The following PAX5 variants were observed in gnomAD, a reference collection of about 807,000 sequenced individuals.
PAX5 encodes paired box protein Pax-5.
In PAX5, 9 loss-of-function variants were observed where a neutral mutation model predicts 43.7. That is an observed-to-expected ratio of 0.21 (90% confidence interval 0.12 to 0.36). PAX5 has a LOEUF of 0.36. Ranked by LOEUF, PAX5 falls within the 10% of genes least tolerant of loss-of-function variation. The pLI, the probability that PAX5 is intolerant of heterozygous loss-of-function variation, is 1.00. For synonymous variants in PAX5, 228 were observed against 214.3 expected, an observed-to-expected ratio of 1.06 and a Z score of -0.56; for missense variants, 383 against 532.7, an observed-to-expected ratio of 0.72 and a Z score of 2.77.
chr9:36,849,444 T>G (rs1477269029), intron 8 of PAX5, among the ~76,000 whole-genome samples: 1 of 152,232 alleles, frequency 6.6e-6, no homozygotes, highest in Non-Finnish European at 1.5e-5. Context: ...GGGAGTTTTG[T>G]CTGTTCACGT....
intron 6 of PAX5, among the ~76,000 whole-genome samples, chr9:36,942,602 C>T (rs1832139446): frequency 6.6e-6 from 1 of 152,236 alleles, no homozygotes; most frequent in Non-Finnish European, 1.5e-5. Flanking sequence ...TGCTCAGCTG[C>T]TGACACAGCT....
At chr9:36,965,603 C>G (rs1834356691) in intron 6 of PAX5, among the ~76,000 whole-genome samples, 1 of 152,196 alleles carries the variant, frequency 6.6e-6, no homozygotes, top group African/African-American at 2.4e-5. Context: ...ACTGCTTGGA[C>G]TGACTTTTTG....
chr9:37,012,692 T>A (rs540074886), intron 3 of PAX5, among the ~76,000 whole-genome samples: 1 of 152,360 alleles, frequency 6.6e-6, no homozygotes, highest in Non-Finnish European at 1.5e-5. Flanking sequence ...CACTTCAATT[T>A]TGACTTAAAT....
chr9:36,991,841 TCTTTCTGC>T (rs1282298401), intron 5 of PAX5, among the ~76,000 whole-genome samples: 29 of 116,968 alleles, frequency 2.5e-4, no homozygotes, highest in Middle Eastern at 4.3e-3. Context: ...GCTATGCCTT[TCTTTCTGC>T]CTATTTCCTC....
intron 1 of PAX5, among the ~76,000 whole-genome samples, chr9:37,027,423 C>T (rs1324904113): frequency 2.6e-5 from 4 of 152,240 alleles, no homozygotes; most frequent in Non-Finnish European, 5.9e-5. Context: ...CTCTTCGAGC[C>T]CCGCCGCCCT....
chr9:37,016,758 C>T (rs1454062558), intron 2 of PAX5, among the ~76,000 whole-genome samples: 5 of 152,066 alleles, frequency 3.3e-5, no homozygotes, highest in South Asian at 2.1e-4. Flanking sequence ...GGTAAGGGAA[C>T]GAGGTGATTC....
At chr9:36,854,108 C>T (rs1823416461) in intron 8 of PAX5, among the ~76,000 whole-genome samples, 1 of 152,260 alleles carries the variant, frequency 6.6e-6, no homozygotes, top group South Asian at 2.1e-4. Context: ...TAGAGAAAAT[C>T]TTTGCAGAGG....
At chr9:36,870,710 G>C (rs947984360) in intron 8 of PAX5, among the ~76,000 whole-genome samples, 4 of 152,220 alleles carry the variant, frequency 2.6e-5, no homozygotes, top group African/African-American at 9.6e-5. Flanking sequence ...CCTCTCCAGG[G>C]CCCTGCACTT....
chr9:36,891,972 T>C (rs1827431469), intron 7 of PAX5, among the ~76,000 whole-genome samples: 1 of 152,198 alleles, frequency 6.6e-6, no homozygotes. Flanking sequence ...TCCAATACTG[T>C]GTTTCAATTT....
intron 6 of PAX5, among the ~76,000 whole-genome samples, chr9:36,939,210 A>T (rs1048885204): frequency 6.6e-6 from 1 of 152,210 alleles, no homozygotes; most frequent in Non-Finnish European, 1.5e-5. Context: ...TCTTAAAATA[A>T]ATGTGGAAGG....
At chr9:36,998,754 G>A (rs529722541) in intron 5 of PAX5, among the ~76,000 whole-genome samples, 16 of 152,226 alleles carry the variant, frequency 1.1e-4, no homozygotes, top group Middle Eastern at 3.4e-3. Flanking sequence ...ACTGTCAAAC[G>A]TTTCGCATCC....
chr9:36,833,920 G>A lies in PAX5; in HGVS notation c.*6640C>T. On this transcript the variant is annotated 3_prime_UTR_variant, in exon 10 of 10. Coordinates refer to ENST00000358127, the MANE Select transcript of PAX5 (RefSeq NM_016734.3). Reference sequence around the variant, plus strand: ...GTCTATGCAGGCATCACAAACTTTGGCGGATACAGTAGATATGTATTTCTT... The same window carrying A: ...GTCTATGCAGGCATCACAAACTTTGACGGATACAGTAGATATGTATTTCTT... 4.3e-6 allele frequency: 1 copy of A among 231,730 alleles called. No homozygotes were observed. The highest frequency in any genetic ancestry group is 8.5e-6 in the Non-Finnish European group (1 of 117,730). The allele number at this position is 231,730 out of a possible 1,614,324, so 14.4% of individuals were successfully genotyped here.
At chr9:36,848,094 C>T (rs1429575715) in intron 8 of PAX5, among the ~76,000 whole-genome samples, 2 of 152,156 alleles carry the variant, frequency 1.3e-5, no homozygotes, top group Non-Finnish European at 2.9e-5. Context: ...TGAGCCCACT[C>T]GTGGCCCAAG....
At chr9:37,013,881 C>G (rs374018098) in intron 3 of PAX5, among the ~76,000 whole-genome samples, 2 of 152,192 alleles carry the variant, frequency 1.3e-5, no homozygotes, top group South Asian at 4.1e-4. Context: ...ACTCCCACAG[C>G]GATCTGTGCA....
intron 1 of PAX5, among the ~76,000 whole-genome samples, chr9:37,023,429 A>G (rs760353265): frequency 6.6e-5 from 10 of 152,174 alleles, no homozygotes; most frequent in Non-Finnish European, 1.5e-4. Flanking sequence ...CATCCCGTGA[A>G]AGGGGGACTG....
At chr9:37,008,863 G>A (rs1296785623) in intron 3 of PAX5, among the ~76,000 whole-genome samples, 2 of 152,212 alleles carry the variant, frequency 1.3e-5, no homozygotes, top group African/African-American at 4.8e-5. Context: ...ATAATAAAAT[G>A]TCCAGTTCTG....
intron 5 of PAX5, among the ~76,000 whole-genome samples, chr9:36,989,711 G>A (rs1263255045): frequency 4.6e-5 from 7 of 152,196 alleles, no homozygotes; most frequent in African/African-American, 1.7e-4. Flanking sequence ...CTGGAGGATG[G>A]AGACTCTGGG....
intron 5 of PAX5, among the ~76,000 whole-genome samples, chr9:36,996,963 G>A (rs1239361630): frequency 1.3e-5 from 2 of 152,164 alleles, no homozygotes; most frequent in African/African-American, 2.4e-5. Context: ...GCTAGACCGG[G>A]AGACAGAAAC....
At chr9:36,976,700 G>A (rs892779921) in intron 5 of PAX5, among the ~76,000 whole-genome samples, 4 of 152,190 alleles carry the variant, frequency 2.6e-5, no homozygotes, top group Non-Finnish European at 5.9e-5. Context: ...CTTTCTTCTT[G>A]GAGAAGGAAA....
Sources: gnomAD v4.1 joint callset for allele counts (sites outside exome capture counted in the v4.1 genomes callset) on GRCh38, gnomAD v4.1.1 for gene constraint, MANE v1.5 for transcripts, NCBI Gene and HGNC (gene_info 2026-07-23, HGNC 2026-07-21) for gene names.